The following DYNC1I2 variants were observed in gnomAD, a reference collection of about 807,000 sequenced individuals.
The protein encoded by DYNC1I2 is cytoplasmic dynein 1 intermediate chain 2.
A neutral mutation model predicts 88.6 loss-of-function variants in DYNC1I2; 53 were observed. The observed-to-expected ratio is 0.60, with a 90% confidence interval of 0.48 to 0.75. The LOEUF is 0.75. DYNC1I2 is among the 30% of genes least tolerant of loss of function. The pLI is 0.00. For missense variants in DYNC1I2, 458 were observed against 766.6 expected, an observed-to-expected ratio of 0.60 and a Z score of 4.75; for synonymous variants, 198 against 254.6, an observed-to-expected ratio of 0.78 and a Z score of 2.12.
At chr2:171,702,461 T>A (rs1184722856) in intron 3 of DYNC1I2, among the ~76,000 whole-genome samples, 1 of 152,212 alleles carries the variant, frequency 6.6e-6, no homozygotes, top group Non-Finnish European at 1.5e-5. Context: ...ATGAAGGCCA[T>A]GGCTTTCAAA....
At chr2:171,725,795 T>A in intron 8 of DYNC1I2, 82 bp downstream of exon 8, 1 of 1,274,866 alleles carries the variant, frequency 7.8e-7, no homozygotes, top group Non-Finnish European at 1.1e-6. Flanking sequence ...TAGGATGAAA[T>A]GCTGTAAATC....
chr2:171,690,350 C>A, intron 2 of DYNC1I2, 87 bp downstream of exon 2: 1 of 944,478 alleles, frequency 1.1e-6, no homozygotes, highest in East Asian at 2.7e-5. Flanking sequence ...TAGGTTGGTG[C>A]AAAAGTAATC....
chr2:171,728,035 T>C, intron 12 of DYNC1I2, 68 bp downstream of exon 12: 1 of 1,504,200 alleles, frequency 6.6e-7, no homozygotes, highest in Non-Finnish European at 8.9e-7. Flanking sequence ...TACTTAGTAG[T>C]GGCCATCAGA....
chr2:171,730,161 C>A (rs1232467698), intron 15 of DYNC1I2, among the ~76,000 whole-genome samples: 1 of 152,182 alleles, frequency 6.6e-6, no homozygotes, highest in Non-Finnish European at 1.5e-5. Context: ...CGCATAGCAC[C>A]TCATACAGTT....
chr2:171,727,795 A>G (rs1688346517), intron 11 of DYNC1I2, 26 bp from the exon 12 acceptor site: 1 of 1,599,270 alleles, frequency 6.3e-7, no homozygotes, highest in African/African-American at 1.3e-5. Flanking sequence ...TTGAATCTCA[A>G]GTATAAAAAT....
intron 1 of DYNC1I2, among the ~76,000 whole-genome samples, chr2:171,689,497 C>G (rs1054059191): frequency 1.3e-5 from 2 of 152,042 alleles, no homozygotes; most frequent in African/African-American, 4.8e-5. Context: ...AATGCCAAAC[C>G]ATGTCCTCTG....
intron 7 of DYNC1I2, among the ~76,000 whole-genome samples, chr2:171,716,091 G>A (rs1046523871): frequency 1.3e-5 from 2 of 151,852 alleles, no homozygotes; most frequent in Non-Finnish European, 1.5e-5. Flanking sequence ...TCCCAGTGAG[G>A]CTAATGAATT....
intron 14 of DYNC1I2, 97 bp downstream of exon 14, chr2:171,728,947 C>T: frequency 7.6e-7 from 1 of 1,315,302 alleles, no homozygotes; most frequent in Non-Finnish European, 1.0e-6. Flanking sequence ...CGTAGATCTA[C>T]TTGTTATTTG....
At chr2:171,693,106 T>C (rs1281582420) in intron 3 of DYNC1I2, 1 of 513,696 alleles carries the variant, frequency 1.9e-6, no homozygotes, top group Non-Finnish European at 3.5e-6. Flanking sequence ...TATTAACATA[T>C]ACTGAACTAC....
intron 11 of DYNC1I2, among the ~76,000 whole-genome samples, chr2:171,727,264 G>A (rs1688316099): frequency 6.6e-6 from 1 of 152,140 alleles, no homozygotes; most frequent in East Asian, 1.9e-4. Flanking sequence ...TATACAATTA[G>A]ATGGTTGGCC....
chr2:171,690,144 A>G lies in DYNC1I2; in HGVS notation c.-9-3A>G. 1.3e-6 allele frequency: 2 copies of G among 1,522,044 alleles called. No homozygotes were observed. Among genetic ancestry groups the G allele is most frequent in the South Asian group, 1.2e-5 (1 of 80,554 alleles). The allele number at this position is 1,522,044 out of a possible 1,614,324, so 94.3% of individuals were successfully genotyped here. ...ACTAACATAATGATTATATGTTTCT[A>G]AGGTCACAAACATGTCAGACAAAAG... On this transcript the variant is annotated splice_polypyrimidine_tract_variant and splice_region_variant and intron_variant, in intron 1 of 17. Transcript: ENST00000397119.
chr2:171,731,335 G>A (rs1486143883), intron 15 of DYNC1I2, among the ~76,000 whole-genome samples: 3 of 152,190 alleles, frequency 2.0e-5, no homozygotes, highest in African/African-American at 7.2e-5. Context: ...CTCTTTGAGC[G>A]CAGGCATGAC....
Position 171,745,841 on chromosome 2 carries a change from C to T in DYNC1I2, c.1717C>T (p.Leu573Phe). The change falls in exon 17 of 18, where the codon CTT becomes TTT. Residue 573 changes from leucine (L) to phenylalanine (F), a missense_variant. By Grantham distance (22) the Leu-to-Phe change is conservative. Coordinates refer to ENST00000397119, the MANE Select transcript of DYNC1I2 (RefSeq NM_001378.3). Reference sequence around the variant, plus strand: ...CATTTCTGTGGAGGGTAATCCTGCTCTTAATCGTGTGAGATGGACCCATTC... The same window carrying T: ...CATTTCTGTGGAGGGTAATCCTGCTTTTAATCGTGTGAGATGGACCCATTC... ...ASISVEGNPALNRVRWTHSGR... is the reference protein window; with the variant it reads ...ASISVEGNPAFNRVRWTHSGR... 1 of 1,613,854 alleles carries T rather than the reference C, an allele frequency of 6.2e-7. No individual in the cohort carries two copies. The highest frequency in any genetic ancestry group is 8.5e-7 in the Non-Finnish European group (1 of 1,179,804).
chr2:171,726,464 A>C (rs1352736069), intron 10 of DYNC1I2, 171 bp downstream of exon 10: 1 of 573,782 alleles, frequency 1.7e-6, no homozygotes, highest in Admixed American at 3.7e-5. Context: ...TGGAAGAAAG[A>C]TTAGAAGCAT....
intron 1 of DYNC1I2, among the ~76,000 whole-genome samples, chr2:171,689,427 T>A (rs759065967): frequency 2.0e-5 from 3 of 152,206 alleles, no homozygotes; most frequent in South Asian, 2.1e-4. Context: ...ATCAAGTTTC[T>A]ATGAATGCAA....
intron 3 of DYNC1I2, among the ~76,000 whole-genome samples, chr2:171,695,634 C>CT (rs1685713115): frequency 6.6e-6 from 1 of 152,156 alleles, no homozygotes; most frequent in Non-Finnish European, 1.5e-5. Flanking sequence ...CCTTTTGTCT[C>CT]TTTGCTTTAC....
At chr2:171,744,879 G>A (rs6709804) in intron 16 of DYNC1I2, among the ~76,000 whole-genome samples, 2,505 of 152,104 alleles carry the variant, frequency 0.016, 58 homozygotes, top group African/African-American at 0.053. Context: ...TAGCATTTCT[G>A]TCAATAACAA....
chr2:171,709,104 AT>A (rs1310906915), intron 5 of DYNC1I2, among the ~76,000 whole-genome samples: 2 of 152,088 alleles, frequency 1.3e-5, no homozygotes, highest in African/African-American at 4.8e-5. Flanking sequence ...AAAAATTACT[AT>A]ATTTATTAAA....
At chr2:171,700,745 C>T (rs1362613846) in intron 3 of DYNC1I2, among the ~76,000 whole-genome samples, 1 of 152,152 alleles carries the variant, frequency 6.6e-6, no homozygotes, top group African/African-American at 2.4e-5. Flanking sequence ...CATTCTCCTG[C>T]CTCAGCATCC....
Sources: gnomAD v4.1 joint callset for allele counts (sites outside exome capture counted in the v4.1 genomes callset) on GRCh38, gnomAD v4.1.1 for gene constraint, MANE v1.5 for transcripts, NCBI Gene and HGNC (gene_info 2026-07-23, HGNC 2026-07-21) for gene names.